AMPH: variants seen among roughly 807,000 people sequenced by gnomAD.
The protein encoded by AMPH is amphiphysin, also known as amphiphysin (Stiff-Mann syndrome with breast cancer 128kD autoantigen).
AMPH carries 49 observed loss-of-function variants against 99.1 expected under a neutral mutation model. The ratio of observed to expected loss-of-function variants is 0.49; its 90% CI spans 0.39 to 0.63. AMPH has a LOEUF of 0.63. Among genes scored for constraint, AMPH ranks in the 20% least tolerant of loss-of-function variants. AMPH has a pLI of 0.00. For missense variants in AMPH, 759 were observed against 863.4 expected, an observed-to-expected ratio of 0.88 and a Z score of 1.52; for synonymous variants, 314 against 317.3, an observed-to-expected ratio of 0.99 and a Z score of 0.11.
intron 2 of AMPH, among the ~76,000 whole-genome samples, chr7:38,518,487 A>G (rs1239473268): frequency 6.6e-6 from 1 of 152,204 alleles, no homozygotes; most frequent in Non-Finnish European, 1.5e-5. Context: ...GGTAAATGGG[A>G]TATAGAGTCA....
chr7:38,387,207 C>A (rs1374904105), intron 20 of AMPH, among the ~76,000 whole-genome samples: 1 of 152,186 alleles, frequency 6.6e-6, no homozygotes, highest in East Asian at 1.9e-4. Flanking sequence ...CACGTATGGT[C>A]TACCTACTAT....
At chr7:38,525,445 C>CGTGT (rs146505083) in intron 2 of AMPH, among the ~76,000 whole-genome samples, 14,150 of 125,348 alleles carry the variant, frequency 0.11, 740 homozygotes, top group African/African-American at 0.13. Context: ...CTCATTTGTG[C>CGTGT]GTGTGTGTGT....
intron 1 of AMPH, among the ~76,000 whole-genome samples, chr7:38,554,494 A>C (rs2129046930): frequency 6.6e-6 from 1 of 152,368 alleles, no homozygotes; most frequent in Non-Finnish European, 1.5e-5. Context: ...TGCTTTAAAA[A>C]AAATCAAAGA....
chr7:38,418,930 C>A lies in AMPH; in HGVS notation c.1273-980G>T, dbSNP rs116494451. Among the ~76,000 whole-genome samples the A allele has an allele frequency of 6.7e-3, 1,020 of 152,048 alleles. 14 individuals carry two copies. The highest frequency in any genetic ancestry group is 0.023 in the African/African-American group (965 of 41,452). ...CAGCAAGCCATTAAAAGCACCACAG[C>A]CAATGCATGTTACTACAAATACTGA... On this transcript the variant is annotated intron_variant, in intron 16 of 20. Transcript: ENST00000356264.
chr7:38,465,743 G>A (rs543463688), intron 8 of AMPH, among the ~76,000 whole-genome samples, 194 bp from the exon 9 acceptor site: 14 of 152,166 alleles, frequency 9.2e-5, no homozygotes, highest in Admixed American at 3.3e-4. Flanking sequence ...AACGAAACAC[G>A]AGTAAACTAA....
intron 11 of AMPH, among the ~76,000 whole-genome samples, chr7:38,459,160 A>C (rs990528405): frequency 6.6e-6 from 1 of 152,126 alleles, no homozygotes. Context: ...CCTAGGAAGA[A>C]ATTTAGCCAA....
chr7:38,503,485 G>T (rs578146721), intron 3 of AMPH, among the ~76,000 whole-genome samples, 165 bp downstream of exon 3: 1 of 107,700 alleles, frequency 9.3e-6, no homozygotes, highest in East Asian at 5.8e-4. Context: ...ATTTCAATGG[G>T]AATTTGGGGC....
chr7:38,539,476 G>C (rs1384473573), intron 1 of AMPH, among the ~76,000 whole-genome samples: 3 of 152,150 alleles, frequency 2.0e-5, no homozygotes, highest in African/African-American at 4.8e-5. Flanking sequence ...AAGTTTCAAA[G>C]GGGGTGGCAA....
intron 11 of AMPH, among the ~76,000 whole-genome samples, chr7:38,458,627 G>A (rs1787321826): frequency 6.6e-6 from 1 of 152,094 alleles, no homozygotes; most frequent in African/African-American, 2.4e-5. Flanking sequence ...TATCTCAATA[G>A]ATTGAGAAAA....
chr7:38,516,130 C>T lies in AMPH; in HGVS notation c.151-12426G>A, dbSNP rs188990745. ...GGCCATGTGGTAGAAAAGAAAAACC[C>T]ATTTTCTGGAGAAGAATTCAAGTTG... On this transcript the variant is annotated intron_variant, in intron 2 of 20. Transcript: ENST00000356264. Among the ~76,000 whole-genome samples, 32 of 152,316 alleles carry T rather than the reference C, an allele frequency of 2.1e-4. No individual in the cohort carries two copies. The South Asian group carries it at 4.1e-3, about 20-fold the overall frequency.
intron 2 of AMPH, among the ~76,000 whole-genome samples, chr7:38,524,712 G>C (rs184862765): frequency 5.3e-5 from 8 of 152,202 alleles, no homozygotes; most frequent in Admixed American, 5.2e-4. Context: ...TATTATTATA[G>C]CTTTTTGTAA....
intron 9 of AMPH, among the ~76,000 whole-genome samples, chr7:38,464,803 T>C (rs555694498): frequency 6.6e-6 from 1 of 152,142 alleles, no homozygotes. Flanking sequence ...CTTCAATCTC[T>C]GAGTACGTAA....
chr7:38,427,991 T>C, intron 14 of AMPH: 1 of 456,694 alleles, frequency 2.2e-6, no homozygotes, highest in South Asian at 1.5e-5. Flanking sequence ...AAATCAATGG[T>C]CTTGCTATCT....
rs981913079 is a variant in AMPH, at chr7:38,403,064, T to G, written c.1399-8850A>C. On this transcript the variant is annotated intron_variant, in intron 17 of 20. Coordinates refer to ENST00000356264, the MANE Select transcript of AMPH (RefSeq NM_001635.4). ...AGGTTTTTTTGTTGTTGTTGTTGTT[T>G]TTTCCAAGATGGCTGACTGGAGACG... 2.6e-3 allele frequency among the ~76,000 whole-genome samples: 397 copies of G among 152,196 alleles called. 8 individuals carry two copies. Among genetic ancestry groups the G allele is most frequent in the Middle Eastern group, 3.4e-3 (1 of 294 alleles).
At chr7:38,607,757 TTTA>T (rs1793484547) in intron 1 of AMPH, among the ~76,000 whole-genome samples, 1 of 152,166 alleles carries the variant, frequency 6.6e-6, no homozygotes, top group East Asian at 1.9e-4. Flanking sequence ...ATGTTCTCAG[TTTA>T]TTTGAATTAC....
Position 38,422,372 on chromosome 7 carries a change from T to G in AMPH, c.1272+49A>C, listed in dbSNP as rs753888782. ...CCTAGAATGATCAGCTTTAGAACAT[T>G]CAGTGATAACTAACAACTTCCTGAG... On this transcript the variant is annotated intron_variant, in intron 16 of 20. Transcript: ENST00000356264. The G allele has an allele frequency of 1.1e-5, 16 of 1,468,386 alleles. 1 individual carries two copies. The South Asian group carries it at 1.8e-4, about 17-fold the overall frequency. The allele number at this position is 1,468,386 out of a possible 1,614,324, so 91.0% of individuals were successfully genotyped here.
At chr7:38,606,015 A>T (rs1793423709) in intron 1 of AMPH, among the ~76,000 whole-genome samples, 1 of 152,152 alleles carries the variant, frequency 6.6e-6, no homozygotes, top group Non-Finnish European at 1.5e-5. Flanking sequence ...TCGTGTCCTT[A>T]CATTACAAAT....
intron 11 of AMPH, among the ~76,000 whole-genome samples, chr7:38,444,818 T>C (rs1286820800): frequency 6.6e-6 from 1 of 151,858 alleles, no homozygotes; most frequent in African/African-American, 2.4e-5. Flanking sequence ...TCAAAGGACC[T>C]AGAATAGCCA....
chr7:38,588,026 A>T (rs1015259355), intron 1 of AMPH, among the ~76,000 whole-genome samples: 15 of 151,336 alleles, frequency 9.9e-5, no homozygotes, highest in African/African-American at 3.4e-4. Flanking sequence ...ATCTCGGTTC[A>T]CTGCAGCCTC....
Sources: gnomAD v4.1 joint callset for allele counts (sites outside exome capture counted in the v4.1 genomes callset) on GRCh38, gnomAD v4.1.1 for gene constraint, MANE v1.5 for transcripts, NCBI Gene and HGNC (gene_info 2026-07-23, HGNC 2026-07-21) for gene names.